Variants in TEC observed in about 807,000 individuals in gnomAD.
TEC encodes the protein tec protein tyrosine kinase.
A neutral mutation model predicts 93.0 loss-of-function variants in TEC; 72 were observed. The ratio of observed to expected loss-of-function variants is 0.77; its 90% CI spans 0.64 to 0.94. The LOEUF is 0.94. Among genes scored for constraint, TEC ranks in the 40% least tolerant of loss-of-function variants. The probability of loss-of-function intolerance (pLI) is 0.00; values close to 1 mark genes in which losing one functional copy is unlikely to be tolerated. For synonymous variants in TEC, 249 were observed against 247.7 expected (o/e 1.01, Z -0.05); for missense variants, 630 against 757.9 (o/e 0.83, Z 1.98).
intron 2 of TEC, among the ~76,000 whole-genome samples, chr4:48,186,182 G>A (rs1403905462): frequency 1.3e-5 from 2 of 152,232 alleles, no homozygotes; most frequent in African/African-American, 4.8e-5. Flanking sequence ...AGGCTGGAGT[G>A]CAGTGGCGTG....
At chr4:48,206,058 G>C (rs1342785511) in intron 2 of TEC, among the ~76,000 whole-genome samples, 2 of 152,136 alleles carry the variant, frequency 1.3e-5, no homozygotes, top group Non-Finnish European at 2.9e-5. Flanking sequence ...GTTATGCTTA[G>C]TGGAAAAAAC....
At chr4:48,206,098 C>G (rs1421269046) in intron 2 of TEC, among the ~76,000 whole-genome samples, 3 of 152,144 alleles carry the variant, frequency 2.0e-5, no homozygotes, top group Non-Finnish European at 4.4e-5. Context: ...TTGTATGATT[C>G]TACTTATACA....
intron 1 of TEC, among the ~76,000 whole-genome samples, chr4:48,237,319 C>CAAAAAAA (rs34570564): frequency 8.4e-6 from 1 of 119,248 alleles, no homozygotes; most frequent in Non-Finnish European, 1.8e-5. Flanking sequence ...GACTCTGTCT[C>CAAAAAAA]AAAAAAAAAA....
At chr4:48,139,340 T>A (rs896534480) in intron 15 of TEC, among the ~76,000 whole-genome samples, 1 of 152,236 alleles carries the variant, frequency 6.6e-6, no homozygotes, top group Non-Finnish European at 1.5e-5. Context: ...TAAGCAATTT[T>A]GTTCTTTAAA....
At chr4:48,223,138 T>C (rs1254383349) in intron 2 of TEC, among the ~76,000 whole-genome samples, 1 of 120,624 alleles carries the variant, frequency 8.3e-6, no homozygotes, top group Non-Finnish European at 1.9e-5. Flanking sequence ...ATAAAGACAA[T>C]ATATACACAA....
rs1188210081 is a variant in TEC at position 48,171,370 on chromosome 4, T to C, written c.323A>G (p.Glu108Gly). 6.2e-7 allele frequency: 1 copy of C among 1,612,138 alleles called. No individual in the cohort carries two copies. The highest frequency in any genetic ancestry group is 2.2e-5 in the East Asian group (1 of 44,844). Residue 108 changes from glutamate to glycine, a missense_variant and splice_region_variant, in exon 4 of 18, where the codon GAA becomes GGA. Coordinates refer to ENST00000381501, the MANE Select transcript of TEC (RefSeq NM_003215.3). ...SRDLWVKKLK[E>G]EIKNNNNIMI... ...AGTAATATTTCATTGAGTTTTACCT[T>C]CTTTTAACTTCTTCACCCACAGGTC...
At chr4:48,178,159 T>C (rs768905937) in intron 2 of TEC, among the ~76,000 whole-genome samples, 1 of 139,626 alleles carries the variant, frequency 7.2e-6, no homozygotes, top group Non-Finnish European at 1.6e-5. Flanking sequence ...AGCCAGGCTT[T>C]CGCTGCTGCT....
chr4:48,140,957 T>C (rs934301736), intron 15 of TEC, among the ~76,000 whole-genome samples: 1 of 152,014 alleles, frequency 6.6e-6, no homozygotes, highest in Admixed American at 6.6e-5. Flanking sequence ...TTTTTATGGG[T>C]GGATGTATGG....
At chr4:48,209,087 A>G (rs2055803) in intron 2 of TEC, among the ~76,000 whole-genome samples, 21,566 of 152,200 alleles carry the variant, frequency 0.14, 2,121 homozygotes, top group East Asian at 0.31. Context: ...ACCACTCCCC[A>G]TCAATGCCTC....
intron 2 of TEC, among the ~76,000 whole-genome samples, chr4:48,212,110 A>AAAATATATAT: frequency 2.4e-4 from 29 of 122,250 alleles, no homozygotes; most frequent in African/African-American, 6.9e-4. Context: ...AAAAAAAAAA[A>AAAATATATAT]ATATATATAT....
At chr4:48,175,034 T>A (rs1234680906) in intron 3 of TEC, among the ~76,000 whole-genome samples, 1 of 152,184 alleles carries the variant, frequency 6.6e-6, no homozygotes, top group Non-Finnish European at 1.5e-5. Flanking sequence ...AATCAGGCAG[T>A]TTGGCCTCAG....
chr4:48,167,986 T>A, intron 6 of TEC, 33 bp from the exon 7 acceptor site: 1 of 1,602,008 alleles, frequency 6.2e-7, no homozygotes, highest in Non-Finnish European at 8.5e-7. Context: ...GAAAGTTTAG[T>A]CTTCTATATG....
At chr4:48,189,725 A>G (rs1722025389) in intron 2 of TEC, among the ~76,000 whole-genome samples, 1 of 152,228 alleles carries the variant, frequency 6.6e-6, no homozygotes, top group South Asian at 2.1e-4. Context: ...AATATACTAA[A>G]TCATAGTATC....
chr4:48,249,935 C>T (rs1373566203), intron 1 of TEC, among the ~76,000 whole-genome samples: 1 of 152,224 alleles, frequency 6.6e-6, no homozygotes, highest in Non-Finnish European at 1.5e-5. Context: ...GACTAGAAGA[C>T]TTCAGGGTGA....
intron 4 of TEC, among the ~76,000 whole-genome samples, chr4:48,170,918 GT>G (rs1560387913): frequency 6.6e-6 from 1 of 152,076 alleles, no homozygotes; most frequent in East Asian, 1.9e-4. Flanking sequence ...GGGCATGGTG[GT>G]GGGTGCCTGT....
chr4:48,150,836 A>T (rs902407884), intron 10 of TEC, 27 bp downstream of exon 10: 1 of 1,468,698 alleles, frequency 6.8e-7, no homozygotes, highest in African/African-American at 1.4e-5. Flanking sequence ...ACTCTAAATT[A>T]TAAAAAAAAA....
intron 2 of TEC, among the ~76,000 whole-genome samples, chr4:48,193,777 G>GTTT (rs113925714): frequency 0.34 from 49,956 of 147,238 alleles, 8,772 homozygotes; most frequent in Non-Finnish European, 0.38. Flanking sequence ...ATGTGTTAGG[G>GTTT]TTTTTTTTTT....
At chr4:48,162,284 G>A (rs572675337) in intron 8 of TEC, among the ~76,000 whole-genome samples, 2 of 152,310 alleles carry the variant, frequency 1.3e-5, no homozygotes, top group African/African-American at 4.8e-5. Context: ...GGAGGCTGAA[G>A]TACAGAGTTA....
intron 1 of TEC, among the ~76,000 whole-genome samples, chr4:48,236,258 G>T (rs1425052105): frequency 6.6e-6 from 1 of 151,970 alleles, no homozygotes; most frequent in African/African-American, 2.4e-5. Flanking sequence ...TCTCCTAGCC[G>T]TTACTAAGGA....
Sources: allele counts gnomAD v4.1 joint callset (sites outside exome capture counted in the v4.1 genomes callset), GRCh38; gene constraint gnomAD v4.1.1; transcripts MANE v1.5; gene names NCBI Gene and HGNC (gene_info 2026-07-23, HGNC 2026-07-21).